Variants in ALK observed in about 807,000 individuals in gnomAD.
The protein encoded by ALK is ALK tyrosine kinase receptor.
A neutral mutation model predicts 163.1 loss-of-function variants in ALK; 74 were observed. That is an observed-to-expected ratio of 0.45 (90% CI 0.38 to 0.55). The LOEUF (loss-of-function observed/expected upper bound fraction) is 0.55. ALK is among the 20% of genes least tolerant of loss of function. The pLI, the probability that ALK is intolerant of heterozygous loss-of-function variation, is 0.00. For synonymous variants in ALK, 960 were observed against 843.2 expected (o/e 1.14, Z -2.40); for missense variants, 2,063 against 2,105.3 (o/e 0.98, Z 0.39).
chr2:29,542,850 A>G (rs557552412), intron 3 of ALK, among the ~76,000 whole-genome samples: 1 of 152,314 alleles, frequency 6.6e-6, no homozygotes, highest in East Asian at 1.9e-4. Context: ...CAATCAGAAA[A>G]CACATGCCTC....
intron 3 of ALK, among the ~76,000 whole-genome samples, chr2:29,678,789 T>G (rs1362903750): frequency 6.6e-6 from 1 of 151,774 alleles, no homozygotes; most frequent in Admixed American, 6.6e-5. Flanking sequence ...TTAATGACTT[T>G]CTTTATGGCC....
At chr2:29,820,959 G>A (rs899121720) in intron 1 of ALK, among the ~76,000 whole-genome samples, 6 of 152,204 alleles carry the variant, frequency 3.9e-5, no homozygotes, top group Admixed American at 2.0e-4. Context: ...GTTCTCAGGG[G>A]TTGGGGGTAG....
intron 1 of ALK, among the ~76,000 whole-genome samples, chr2:29,912,873 C>G (rs950211149): frequency 3.3e-5 from 5 of 152,060 alleles, no homozygotes; most frequent in Admixed American, 3.3e-4. Flanking sequence ...AGAGTCCTTT[C>G]CATGCTCACC....
At chr2:29,209,589 T>C (rs1038075977) in intron 25 of ALK, among the ~76,000 whole-genome samples, 197 bp downstream of exon 25, 1 of 147,976 alleles carries the variant, frequency 6.8e-6, no homozygotes, top group Admixed American at 6.7e-5. Context: ...CTGCAGGAAG[T>C]GTGATCCCAG....
chr2:29,375,407 C>T (rs1166166359), intron 5 of ALK, among the ~76,000 whole-genome samples: 1 of 152,188 alleles, frequency 6.6e-6, no homozygotes, highest in Admixed American at 6.5e-5. Flanking sequence ...CAAGCTCTGC[C>T]TCCCAGGTTC....
In ALK at chr2:29,315,900, G is replaced by A. The variant is rs182049272; in HGVS notation, c.1647+2404C>T. On this transcript the variant is annotated intron_variant, in intron 8 of 28. Transcript: ENST00000389048. ...GCCTCAGGGCTCAGCTGGACCAGTCGCCAGTCCCTGTAGGCCTGATGCTCA... is the reference window on the plus strand; with the variant it reads ...GCCTCAGGGCTCAGCTGGACCAGTCACCAGTCCCTGTAGGCCTGATGCTCA... Among the ~76,000 whole-genome samples, 195 of 152,196 alleles carry A rather than the reference G, an allele frequency of 1.3e-3. 1 individual carries two copies. The highest frequency in any genetic ancestry group is 2.1e-3 in the Non-Finnish European group (146 of 68,008).
At chr2:29,897,237 C>T (rs796318043) in intron 1 of ALK, among the ~76,000 whole-genome samples, 6 of 151,976 alleles carry the variant, frequency 3.9e-5, no homozygotes, top group Admixed American at 2.0e-4. Context: ...GGAGAACCAC[C>T]TGAGGTTGCA....
chr2:29,489,740 C>T (rs6706274), intron 4 of ALK, among the ~76,000 whole-genome samples: 4,374 of 152,296 alleles, frequency 0.029, 94 homozygotes, highest in African/African-American at 0.031. Context: ...ACCGAAGAAG[C>T]CTATTCTAGG....
intron 1 of ALK, among the ~76,000 whole-genome samples, chr2:29,750,688 G>GC (rs1244677179): frequency 4.3e-5 from 6 of 141,024 alleles, no homozygotes; most frequent in African/African-American, 1.6e-4. Flanking sequence ...AGGAAGGAAG[G>GC]AAGGAAGGAA....
At chr2:29,717,757 C>A in intron 1 of ALK, 60 bp from the exon 2 acceptor site, 1 of 1,609,426 alleles carries the variant, frequency 6.2e-7, no homozygotes, top group South Asian at 1.1e-5. Flanking sequence ...TTTTAGCTGT[C>A]ACTCAATATC....
intron 1 of ALK, among the ~76,000 whole-genome samples, chr2:29,829,879 A>G (rs773151107): frequency 7.9e-5 from 12 of 152,224 alleles, no homozygotes; most frequent in Non-Finnish European, 1.6e-4. Context: ...TTTAGTGGCT[A>G]CACAGCAAAC....
chr2:29,709,701 T>C (rs6759800), intron 2 of ALK, among the ~76,000 whole-genome samples: 14,964 of 152,076 alleles, frequency 0.098, 1,541 homozygotes, highest in African/African-American at 0.26. Context: ...TGTTCTAATT[T>C]GGGGTTATAG....
intron 3 of ALK, among the ~76,000 whole-genome samples, chr2:29,549,344 C>A (rs1167640423): frequency 6.6e-6 from 1 of 152,212 alleles, no homozygotes. Context: ...TCCTGAGCCA[C>A]CTCTCATTAG....
intron 5 of ALK, among the ~76,000 whole-genome samples, chr2:29,353,670 G>A (rs1040768516): frequency 6.6e-6 from 1 of 151,904 alleles, no homozygotes; most frequent in Admixed American, 6.6e-5. Context: ...CAAAGGCAGT[G>A]TGTTGAGGTT....
At chr2:29,830,818 C>G (rs1665353787) in intron 1 of ALK, among the ~76,000 whole-genome samples, 1 of 144,474 alleles carries the variant, frequency 6.9e-6, no homozygotes, top group African/African-American at 2.6e-5. Context: ...GTGGGAGGAT[C>G]ACTTGAGCCC....
intron 5 of ALK, among the ~76,000 whole-genome samples, chr2:29,365,443 A>G (rs1668480740): frequency 6.6e-6 from 1 of 152,216 alleles, no homozygotes; most frequent in Admixed American, 6.5e-5. Context: ...TTGGACTTAG[A>G]GGCTGGGCAG....
At chr2:29,205,302 T>G (rs908517310) in intron 26 of ALK, among the ~76,000 whole-genome samples, 2 of 152,132 alleles carry the variant, frequency 1.3e-5, no homozygotes, top group African/African-American at 4.8e-5. Flanking sequence ...CTGTTCATAT[T>G]TTAAGACTGG....
intron 5 of ALK, among the ~76,000 whole-genome samples, chr2:29,372,922 C>CT (rs1160915161): frequency 2.0e-5 from 3 of 152,176 alleles, no homozygotes; most frequent in Non-Finnish European, 4.4e-5. Context: ...GAACCAATGT[C>CT]TAAAGTGACA....
rs574309245 is a variant in ALK, at chr2:29,895,530, C to T, written c.667+24463G>A. ...TGAGCCTGGCTATACTATGGTCCAG[C>T]ACCAGAATGCCTTAACAACACCAAT... On this transcript the variant is annotated intron_variant, in intron 1 of 28. Coordinates refer to ENST00000389048, the MANE Select transcript of ALK (RefSeq NM_004304.5). Among the ~76,000 whole-genome samples, 4 of 152,312 alleles carry T rather than the reference C, an allele frequency of 2.6e-5. No homozygotes were observed. The East Asian group carries it at 7.7e-4, about 29-fold the overall frequency.
Sources: allele counts gnomAD v4.1 joint callset (sites outside exome capture counted in the v4.1 genomes callset), GRCh38; gene constraint gnomAD v4.1.1; transcripts MANE v1.5; gene names NCBI Gene and HGNC (gene_info 2026-07-23, HGNC 2026-07-21).